WHRN: variants seen among roughly 807,000 people sequenced by gnomAD.
WHRN encodes the protein CASK-interacting protein CIP98.
In WHRN, 41 loss-of-function variants were observed where a neutral mutation model predicts 68.3. The ratio of observed to expected loss-of-function variants is 0.60; its 90% CI spans 0.47 to 0.78. WHRN has a LOEUF of 0.78. WHRN is among the 30% of genes least tolerant of loss of function. The pLI, the probability that WHRN is intolerant of heterozygous loss-of-function variation, is 0.00. For missense variants in WHRN, 1,243 were observed against 1,244.7 expected (o/e 1.00, Z 0.02); for synonymous variants, 560 against 561.3 (o/e 1.00, Z 0.03).
chr9:114,425,689 C>G (rs990143246), intron 4 of WHRN: 1 of 236,778 alleles, frequency 4.2e-6, no homozygotes, highest in Non-Finnish European at 8.3e-6. Flanking sequence ...GGCCAGGTGG[C>G]CACCAGCCTG....
At chr9:114,442,363 C>T (rs1218370325) in intron 3 of WHRN, among the ~76,000 whole-genome samples, 1 of 152,086 alleles carries the variant, frequency 6.6e-6, no homozygotes, top group Non-Finnish European at 1.5e-5. Context: ...AGTGAATGTC[C>T]TTGTTCTTAG....
At chr9:114,467,429 G>A (rs1564190579) in intron 2 of WHRN, among the ~76,000 whole-genome samples, 1 of 151,960 alleles carries the variant, frequency 6.6e-6, no homozygotes, top group Admixed American at 6.5e-5. Flanking sequence ...CAGAGAAGGG[G>A]CAATGGTCCT....
intron 7 of WHRN, among the ~76,000 whole-genome samples, chr9:114,418,245 G>A (rs528035809): frequency 2.4e-4 from 37 of 152,264 alleles, no homozygotes; most frequent in African/African-American, 8.7e-4. Context: ...CGCTCCTGAG[G>A]AAGGGTGAGC....
In WHRN at chr9:114,429,746, C is replaced by A. The variant is rs189332074; in HGVS notation, c.964-3333G>T. On this transcript the variant is annotated intron_variant, in intron 3 of 11. Transcript: ENST00000362057. ...GATACTGCCCTTCCCTATCTCGCCT[C>A]TGCAGCTCCCTCCTCCCCTCTCTCT... Among the ~76,000 whole-genome samples, 94 of 152,314 alleles carry A rather than the reference C, an allele frequency of 6.2e-4. No individual in the cohort carries two copies. In the Middle Eastern group the frequency reaches 0.01, roughly 17 times the overall value.
chr9:114,453,729 A>T (rs1291706464), intron 3 of WHRN, among the ~76,000 whole-genome samples: 1 of 152,182 alleles, frequency 6.6e-6, no homozygotes, highest in African/African-American at 2.4e-5. Context: ...TATATATTAC[A>T]TGTCCAAAAA....
rs755927266 is a variant in WHRN at position 114,406,759 on chromosome 9, G to A, written c.1832C>T (p.Ser611Phe). The A allele has an allele frequency of 6.2e-6, 10 of 1,614,046 alleles. No individual in the cohort carries two copies. Among genetic ancestry groups the A allele is most frequent in the Non-Finnish European group, 7.6e-6 (9 of 1,180,006 alleles). ...AGTGCCCGAGCAGGAAGGCATGGAG[G>A]AAGGTGGCTGGAGGTCCTCTCTCCC... is the stretch of plus-strand genomic sequence containing the variant. Reference protein sequence around the residue: ...KLGREDLQPPSSMPSCSGTVF... With the variant: ...KLGREDLQPPFSMPSCSGTVF... Residue 611 changes from serine (S) to phenylalanine (F), a missense_variant, in exon 9 of 12, where the codon TCC becomes TTC. Transcript: ENST00000362057.
At position 114,406,726 on chromosome 9, in the gene WHRN, G is replaced by C; in HGVS notation, c.1865C>G (p.Ser622Trp). 1.2e-6 allele frequency: 2 copies of C among 1,614,106 alleles called. No homozygotes were observed. The highest frequency in any genetic ancestry group is 1.7e-6 in the Non-Finnish European group (2 of 1,180,008). The change falls in exon 9 of 12, where the codon TCG becomes TGG. Residue 622 changes from serine (S) to tryptophan (W), a missense_variant. Ser to Trp is a radical substitution (Grantham distance 177). Coordinates refer to ENST00000362057, the MANE Select transcript of WHRN (RefSeq NM_015404.4). ...TGGCGGGCTGCGGTTCTGTGGAGCC[G>C]AGAAGACAGTGCCCGAGCAGGAAGG... ...SMPSCSGTVFSAPQNRSPPAG... is the reference protein window; with the variant it reads ...SMPSCSGTVFWAPQNRSPPAG...
intron 3 of WHRN, among the ~76,000 whole-genome samples, chr9:114,458,599 C>T (rs2132834696): frequency 6.6e-6 from 1 of 152,276 alleles, no homozygotes; most frequent in African/African-American, 2.4e-5. Flanking sequence ...GGGGGTGGCC[C>T]TGTCCCTCCC....
chr9:114,429,943 C>T (rs1254548776), intron 3 of WHRN, among the ~76,000 whole-genome samples: 1 of 152,246 alleles, frequency 6.6e-6, no homozygotes, highest in Non-Finnish European at 1.5e-5. Flanking sequence ...GGGCAGGAAT[C>T]TTCTCCATTT....
At chr9:114,460,134 T>C (rs1011936397) in intron 3 of WHRN, among the ~76,000 whole-genome samples, 4 of 152,190 alleles carry the variant, frequency 2.6e-5, no homozygotes, top group African/African-American at 9.7e-5. Flanking sequence ...CTTGGGAAAC[T>C]TGGTGATTTC....
At chr9:114,433,380 C>T (rs1016672945) in intron 3 of WHRN, among the ~76,000 whole-genome samples, 1 of 152,210 alleles carries the variant, frequency 6.6e-6, no homozygotes, top group African/African-American at 2.4e-5. Flanking sequence ...TGCACCTGTA[C>T]CAGCCACGCT....
chr9:114,410,916 A>G (rs2132244245), intron 7 of WHRN, among the ~76,000 whole-genome samples: 1 of 152,326 alleles, frequency 6.6e-6, no homozygotes, highest in East Asian at 1.9e-4. Context: ...GCCAACTCTG[A>G]GGCTTCTTTG....
At chr9:114,456,826 C>CA (rs58142457) in intron 3 of WHRN, among the ~76,000 whole-genome samples, 23,638 of 140,972 alleles carry the variant, frequency 0.17, 2,303 homozygotes, top group Non-Finnish European at 0.23. Flanking sequence ...AAGACTATCT[C>CA]AAAAAAAAAA....
chr9:114,467,111 T>C (rs182178519), intron 2 of WHRN, among the ~76,000 whole-genome samples: 109 of 150,628 alleles, frequency 7.2e-4, no homozygotes, highest in African/African-American at 2.7e-3. Context: ...AGGAGTCTCC[T>C]ATTTCTCCTG....
chr9:114,453,985 C>A (rs1367785049), intron 3 of WHRN, among the ~76,000 whole-genome samples: 1 of 152,100 alleles, frequency 6.6e-6, no homozygotes, highest in African/African-American at 2.4e-5. Context: ...AGTGTTTATA[C>A]AAGGAATGCA....
At chr9:114,416,468 T>C (rs1408224758) in intron 7 of WHRN, among the ~76,000 whole-genome samples, 1 of 152,222 alleles carries the variant, frequency 6.6e-6, no homozygotes, top group African/African-American at 2.4e-5. Flanking sequence ...ATTTCCCTTT[T>C]GCTGTTCTCG....
rs116415295 is a variant in WHRN, at chr9:114,454,212, A to G, written c.963+12055T>C. 3.6e-3 allele frequency among the ~76,000 whole-genome samples: 547 copies of G among 152,280 alleles called. 1 individual carries two copies. The highest frequency in any genetic ancestry group is 0.013 in the African/African-American group (524 of 41,558). ...TCCTTTAAGATAGAAATAAGGCAAAATTTTTCTCTCAACTGTTCTACTCAG... is the reference window on the plus strand; with the variant it reads ...TCCTTTAAGATAGAAATAAGGCAAAGTTTTTCTCTCAACTGTTCTACTCAG... On this transcript the variant is annotated intron_variant, in intron 3 of 11. Coordinates refer to ENST00000362057, the MANE Select transcript of WHRN (RefSeq NM_015404.4).
At chr9:114,449,673 A>C (rs1352342980) in intron 3 of WHRN, among the ~76,000 whole-genome samples, 1 of 152,092 alleles carries the variant, frequency 6.6e-6, no homozygotes, top group East Asian at 1.9e-4. Flanking sequence ...GGCTACAGCA[A>C]TCACTCAGCC....
intron 1 of WHRN, chr9:114,503,028 C>G: frequency 1.4e-6 from 1 of 706,022 alleles, no homozygotes; most frequent in Non-Finnish European, 1.7e-6. Flanking sequence ...GGGCTTCCTC[C>G]AAAGGGGTTG....
Sources: allele counts gnomAD v4.1 joint callset (sites outside exome capture counted in the v4.1 genomes callset), GRCh38; gene constraint gnomAD v4.1.1; transcripts MANE v1.5; gene names NCBI Gene and HGNC (gene_info 2026-07-23, HGNC 2026-07-21).